Variants in PHF2 observed in about 807,000 individuals in gnomAD.
PHF2 encodes the protein PHD finger protein 2.
Under a neutral mutation model 120.5 loss-of-function variants are expected in PHF2, and 27 were observed. That is an observed-to-expected ratio of 0.22 (90% confidence interval 0.17 to 0.31). PHF2 has a LOEUF of 0.31. Among genes scored for constraint, PHF2 ranks in the 10% least tolerant of loss-of-function variants. PHF2 has a pLI of 1.00. For missense variants in PHF2, 1,024 were observed against 1,434.8 expected (o/e 0.71, Z 4.63); for synonymous variants, 568 against 592.5 (o/e 0.96, Z 0.60).
intron 1 of PHF2, among the ~76,000 whole-genome samples, chr9:93,624,161 T>G (rs2131642755): frequency 6.6e-6 from 1 of 152,330 alleles, no homozygotes; most frequent in East Asian, 1.9e-4. Flanking sequence ...GAATTCCCAT[T>G]ATTGCAGGGT....
At chr9:93,629,574 C>G (rs111500486) in intron 1 of PHF2, among the ~76,000 whole-genome samples, 6,890 of 152,288 alleles carry the variant, frequency 0.045, 227 homozygotes, top group Non-Finnish European at 0.071. Flanking sequence ...TGAGCTGCCT[C>G]TGGTGTTTTC....
intron 1 of PHF2, among the ~76,000 whole-genome samples, chr9:93,615,813 G>T (rs1825721536): frequency 6.6e-6 from 1 of 152,192 alleles, no homozygotes; most frequent in African/African-American, 2.4e-5. Context: ...TGGAGACAGG[G>T]GTCCTCAGCC....
intron 6 of PHF2, among the ~76,000 whole-genome samples, chr9:93,653,905 G>C (rs1281764934): frequency 6.6e-6 from 1 of 152,196 alleles, no homozygotes; most frequent in Non-Finnish European, 1.5e-5. Context: ...GGGCGGGCAG[G>C]TGCACATGCT....
At chr9:93,608,322 C>CATAATA (rs200553405) in intron 1 of PHF2, among the ~76,000 whole-genome samples, 2 of 131,048 alleles carry the variant, frequency 1.5e-5, no homozygotes, top group East Asian at 2.1e-4. Flanking sequence ...GACACTGTCT[C>CATAATA]ATAATAATAA....
chr9:93,606,291 C>T (rs1825541753), intron 1 of PHF2, among the ~76,000 whole-genome samples: 1 of 152,080 alleles, frequency 6.6e-6, no homozygotes, highest in Admixed American at 6.6e-5. Context: ...TATAAGAAAC[C>T]ACCAAACTGT....
At chr9:93,663,767 T>TCGCA in intron 14 of PHF2, 132 bp downstream of exon 14, 1 of 573,000 alleles carries the variant, frequency 1.7e-6, no homozygotes. Flanking sequence ...ACTCTGCATC[T>TCGCA]CACACACACC....
intron 19 of PHF2, 38 bp downstream of exon 19, chr9:93,675,060 C>G: frequency 6.7e-7 from 1 of 1,502,488 alleles, no homozygotes; most frequent in Non-Finnish European, 9.3e-7. Context: ...CACCTGACAC[C>G]CAGTGTGGAA....
At chr9:93,638,621 C>T (rs1430120192) in intron 3 of PHF2, among the ~76,000 whole-genome samples, 1 of 152,246 alleles carries the variant, frequency 6.6e-6, no homozygotes, top group Non-Finnish European at 1.5e-5. Context: ...TTCTATTCCA[C>T]TAATCTATAT....
chr9:93,577,269 C>A (rs148039142), intron 1 of PHF2, among the ~76,000 whole-genome samples: 49 of 151,628 alleles, frequency 3.2e-4, no homozygotes, highest in African/African-American at 1.1e-3. Context: ...CCGCCTCCCC[C>A]CTGCGAAGTT....
At chr9:93,652,290 CTTTTT>C (rs751282822) in intron 5 of PHF2, among the ~76,000 whole-genome samples, 1 of 96,354 alleles carries the variant, frequency 1.0e-5, no homozygotes. Flanking sequence ...TTGAGCTTGA[CTTTTT>C]TTTTTTTTTT....
chr9:93,663,174 C>T (rs916659502), intron 13 of PHF2, 148 bp downstream of exon 13: 33 of 1,150,634 alleles, frequency 2.9e-5, no homozygotes, highest in African/African-American at 9.1e-5. Flanking sequence ...GGTGTGCTTA[C>T]GTGGGTCTGA....
intron 1 of PHF2, among the ~76,000 whole-genome samples, chr9:93,586,664 T>C (rs1387706749): frequency 6.6e-6 from 1 of 152,278 alleles, no homozygotes; most frequent in Non-Finnish European, 1.5e-5. Flanking sequence ...CAGCATGAGC[T>C]GTGCTAGGAG....
intron 5 of PHF2, among the ~76,000 whole-genome samples, chr9:93,650,697 G>A (rs368426637): frequency 5.8e-4 from 88 of 152,274 alleles, no homozygotes; most frequent in Middle Eastern, 3.4e-3. Context: ...CTGTCAGCTC[G>A]GGTGTGGTCA....
At chr9:93,598,498 C>T (rs1037532557) in intron 1 of PHF2, among the ~76,000 whole-genome samples, 3 of 152,112 alleles carry the variant, frequency 2.0e-5, no homozygotes, top group Non-Finnish European at 4.4e-5. Flanking sequence ...AGCTGCCAAC[C>T]CCCGTCAGAA....
At chr9:93,588,699 A>G (rs1283429873) in intron 1 of PHF2, among the ~76,000 whole-genome samples, 1 of 152,128 alleles carries the variant, frequency 6.6e-6, no homozygotes, top group Non-Finnish European at 1.5e-5. Context: ...AGACCAGCCT[A>G]GCCAACCTGG....
chr9:93,649,301 G>A (rs1465598885), intron 5 of PHF2, 89 bp downstream of exon 5: 5 of 1,064,294 alleles, frequency 4.7e-6, no homozygotes, highest in Non-Finnish European at 5.6e-6. Context: ...AGCACAGGTC[G>A]AAGGTATCAG....
intron 1 of PHF2, among the ~76,000 whole-genome samples, chr9:93,603,822 A>G (rs1015641348): frequency 6.6e-6 from 1 of 152,210 alleles, no homozygotes; most frequent in Non-Finnish European, 1.5e-5. Flanking sequence ...TCCCAGAGGC[A>G]TTCCTCTCTC....
At chr9:93,635,570 T>C (rs1294266449) in intron 2 of PHF2, among the ~76,000 whole-genome samples, 4 of 152,192 alleles carry the variant, frequency 2.6e-5, no homozygotes, top group Non-Finnish European at 5.9e-5. Flanking sequence ...GGCTGGGAGC[T>C]AGGGACTTAG....
At chr9:93,650,052 C>G (rs1826338990) in intron 5 of PHF2, among the ~76,000 whole-genome samples, 1 of 151,554 alleles carries the variant, frequency 6.6e-6, no homozygotes, top group African/African-American at 2.4e-5. Flanking sequence ...TCACAACACA[C>G]CGACACTCAC....
Sources: gnomAD v4.1 joint callset for allele counts (sites outside exome capture counted in the v4.1 genomes callset) on GRCh38, gnomAD v4.1.1 for gene constraint, MANE v1.5 for transcripts, NCBI Gene and HGNC (gene_info 2026-07-23, HGNC 2026-07-21) for gene names.